The following MYO7A variants were observed in gnomAD, a reference collection of about 807,000 sequenced individuals.
MYO7A encodes the protein myosin VIIA, also known as unconventional myosin-VIIa.
MYO7A carries 210 observed loss-of-function variants against 263.8 expected under a neutral mutation model. That is an observed-to-expected ratio of 0.80 (90% confidence interval 0.71 to 0.89). The LOEUF is 0.89. Ranked by LOEUF, MYO7A falls within the 40% of genes least tolerant of loss-of-function variation. The pLI, the probability that MYO7A is intolerant of heterozygous loss-of-function variation, is 0.00. For missense variants in MYO7A, 2,820 were observed against 2,968.3 expected (o/e 0.95, Z 1.16); for synonymous variants, 1,239 against 1,197.3 (o/e 1.03, Z -0.72).
At position 77,161,101 on chromosome 11, in the gene MYO7A, C is replaced by G; in HGVS notation, c.1329C>G (p.Asn443Lys). The change falls in exon 12 of 49, where the codon AAC (asparagine) becomes AAG (lysine). Residue 443 changes from asparagine to lysine, a missense_variant. By Grantham distance (94) the Asn-to-Lys change is moderately conservative. Coordinates refer to ENST00000409709, the MANE Select transcript of MYO7A (RefSeq NM_000260.4). ...TCCTGGACATCTTTGGGTTTGAGAA[C>G]TTTGCTGTGAACAGGTACCGCGTGG... ...IGLLDIFGFENFAVNSFEQLC... is the reference protein window; with the variant it reads ...IGLLDIFGFEKFAVNSFEQLC... 1.9e-6 allele frequency: 3 copies of G among 1,614,012 alleles called. No homozygotes were observed. Among genetic ancestry groups the G allele is most frequent in the Non-Finnish European group, 2.5e-6 (3 of 1,179,876 alleles).
intron 2 of MYO7A, among the ~76,000 whole-genome samples, chr11:77,141,931 G>A (rs1018726117): frequency 3.9e-5 from 6 of 152,220 alleles, no homozygotes; most frequent in African/African-American, 9.7e-5. Flanking sequence ...TAACTAGAAC[G>A]TAGACTCCAT....
At position 77,161,092 on chromosome 11, in the gene MYO7A, G is replaced by C; in HGVS notation, c.1320G>C (p.Gly440=). The C allele has an allele frequency of 6.2e-7, 1 of 1,614,006 alleles. No homozygotes were observed. Among genetic ancestry groups the C allele is most frequent in the Non-Finnish European group, 8.5e-7 (1 of 1,179,888 alleles). Residue 440 remains glycine, a synonymous_variant, in exon 12 of 49, where the codon GGG becomes GGC. Coordinates refer to ENST00000409709, the MANE Select transcript of MYO7A (RefSeq NM_000260.4). ...CCATCGGCCTCCTGGACATCTTTGG[G>C]TTTGAGAACTTTGCTGTGAACAGGT... is the stretch of plus-strand genomic sequence containing the variant. The part of the protein sequence containing the change: ...RRSIGLLDIF[G]FENFAVNSFE...
chr11:77,132,694 G>A (rs939222511), intron 2 of MYO7A, among the ~76,000 whole-genome samples: 5 of 152,106 alleles, frequency 3.3e-5, no homozygotes, highest in Admixed American at 6.5e-5. Flanking sequence ...TCACCATGTT[G>A]GCCAGGATGG....
intron 11 of MYO7A, 92 bp from the exon 12 acceptor site, chr11:77,160,881 G>C: frequency 6.9e-7 from 1 of 1,450,448 alleles, no homozygotes. Context: ...TTCCACACAA[G>C]GGCTGGAGCG....
rs373942326 is a variant in MYO7A at position 77,156,999 on chromosome 11, C to T, written c.730C>T (p.Arg244Cys). 11 of 1,612,616 alleles carry T rather than the reference C, an allele frequency of 6.8e-6. No individual in the cohort carries two copies. The highest frequency in any genetic ancestry group is 5.9e-6 in the Non-Finnish European group (7 of 1,179,392). The change falls in exon 7 of 49, where the codon CGC becomes TGC. Residue 244 changes from arginine to cysteine, a missense_variant. Arg to Cys is a radical substitution (Grantham distance 180, BLOSUM62 -3). Transcript: ENST00000409709. ...CCTGCTGGAAAAGTCACGTGTCTGT[C>T]GCCAGGTGGGCCTGAGCCCCAGGGA... Reference protein sequence around the residue: ...QYLLEKSRVCRQALDERNYHV... With the variant: ...QYLLEKSRVCCQALDERNYHV...
At chr11:77,185,213 G>C (rs1327333955) in intron 27 of MYO7A, among the ~76,000 whole-genome samples, 10 of 152,152 alleles carry the variant, frequency 6.6e-5, no homozygotes, top group Non-Finnish European at 1.5e-4. Context: ...GAAGGTCGAG[G>C]TGGCTGCGAC....
Position 77,185,221 on chromosome 11 carries a change from G to A in MYO7A, c.3503+506G>A, listed in dbSNP as rs1383525530. The stretch of plus-strand genomic sequence containing the variant: ...GGTTGCTGAAGGTCGAGGTGGCTGC[G>A]ACAATTTATTAAGATAAGACAACAG... On this transcript the variant is annotated intron_variant, in intron 27 of 48. Coordinates refer to ENST00000409709, the MANE Select transcript of MYO7A (RefSeq NM_000260.4). 3.3e-5 allele frequency among the ~76,000 whole-genome samples: 5 copies of A among 152,132 alleles called. No individual in the cohort carries two copies. The East Asian group carries it at 7.7e-4, about 23-fold the overall frequency.
At position 77,192,269 on chromosome 11, in the gene MYO7A, G is replaced by A; in HGVS notation, c.4143G>A (p.Arg1381=). Residue 1381 remains arginine, a synonymous_variant, in exon 31 of 49, where the codon AGG becomes AGA. Coordinates refer to ENST00000409709, the MANE Select transcript of MYO7A (RefSeq NM_000260.4). ...GAGGAGTCAAGTTTGGGGAGTACAG[G>A]TGTGAGAAGGTGAGTGGGAGGGAAT... The part of the protein sequence containing the change: ...VVRGVKFGEY[R]CEKEDDLAEL... The A allele has an allele frequency of 1.2e-6, 2 of 1,613,936 alleles. No homozygotes were observed. Among genetic ancestry groups the A allele is most frequent in the South Asian group, 1.1e-5 (1 of 91,084 alleles).
In MYO7A at chr11:77,184,650, G is replaced by A. The variant is rs782818565; in HGVS notation, c.3438G>A (p.Arg1146=). ...TVQGNSMLED[R]PTSNLEKLHF... is the part of the protein sequence containing the mutation. Reference sequence around the variant, plus strand: ...AGGGCAACAGCATGCTGGAGGACCGGCCCACCTCCAACCTGGAGAAGCTGC... The same window carrying A: ...AGGGCAACAGCATGCTGGAGGACCGACCCACCTCCAACCTGGAGAAGCTGC... Residue 1146 remains arginine, a synonymous_variant, in exon 27 of 49, where the codon CGG becomes CGA. Transcript: ENST00000409709. The A allele has an allele frequency of 1.1e-5, 18 of 1,588,704 alleles. No individual in the cohort carries two copies. Among genetic ancestry groups the A allele is most frequent in the Non-Finnish European group, 1.5e-5 (18 of 1,167,228 alleles).
Position 77,175,443 on chromosome 11 carries a change from C to A in MYO7A, c.2166C>A (p.Gly722=). 1 of 1,613,334 alleles carries A rather than the reference C, an allele frequency of 6.2e-7. No individual in the cohort carries two copies. Among genetic ancestry groups the A allele is most frequent in the Non-Finnish European group, 8.5e-7 (1 of 1,179,872 alleles). Residue 722 remains glycine (G), a synonymous_variant, in exon 18 of 49, where the codon GGC becomes GGA. Transcript: ENST00000409709. ...GCACCCACGATGACTGGCAGATAGG[C>A]AAAACCAAGATCTTTCTGAAGGTGA... ...VLGTHDDWQI[G]KTKIFLKDHH...
At chr11:77,202,537 C>T (rs1957137610) in intron 37 of MYO7A, 113 bp downstream of exon 37, 1 of 1,406,476 alleles carries the variant, frequency 7.1e-7, no homozygotes, top group African/African-American at 1.4e-5. Flanking sequence ...TGAGCAGGGC[C>T]TGGGTCAGAG....
intron 15 of MYO7A, among the ~76,000 whole-genome samples, chr11:77,172,134 T>G (rs1248108786): frequency 6.6e-6 from 1 of 152,174 alleles, no homozygotes; most frequent in African/African-American, 2.4e-5. Flanking sequence ...CCCACAGGTT[T>G]CCAGAAGGCG....
chr11:77,198,483 G>T lies in MYO7A; in HGVS notation c.4442-12G>T, dbSNP rs751789213. On this transcript the variant is annotated splice_polypyrimidine_tract_variant and intron_variant, in intron 33 of 48. Transcript: ENST00000409709. ...GGGAGGCCTGCCTCTCAGTGCCTTG[G>T]TCTCGTCCCAGGCCCCAGTCTCCCC... The T allele has an allele frequency of 1.9e-6, 3 of 1,613,130 alleles. No individual in the cohort carries two copies. The East Asian group carries it at 6.7e-5, about 36-fold the overall frequency.
At chr11:77,194,756 C>T (rs889874790) in intron 32 of MYO7A, among the ~76,000 whole-genome samples, 2 of 152,186 alleles carry the variant, frequency 1.3e-5, no homozygotes, top group Non-Finnish European at 1.5e-5. Flanking sequence ...GGTATTGGGG[C>T]CCCTTTCCTG....
chr11:77,181,453 A>T lies in MYO7A; in HGVS notation c.2768A>T (p.Lys923Met). Reference sequence around the variant, plus strand: ...GAGAAGGAGGCCGCTCGGCGGAAGAAGGAGCTCCTGGAGCAGATGGAAAGG... The same window carrying T: ...GAGAAGGAGGCCGCTCGGCGGAAGATGGAGCTCCTGGAGCAGATGGAAAGG... ...LKEKEAARRKKELLEQMERAR... is the reference protein window; with the variant it reads ...LKEKEAARRKMELLEQMERAR... The change falls in exon 23 of 49, where the codon AAG becomes ATG. Residue 923 changes from lysine (K) to methionine (M), a missense_variant. Transcript: ENST00000409709. The T allele has an allele frequency of 6.2e-7, 1 of 1,609,658 alleles. No individual in the cohort carries two copies. The highest frequency in any genetic ancestry group is 8.5e-7 in the Non-Finnish European group (1 of 1,178,458).
At chr11:77,136,706 C>T (rs1178476680) in intron 2 of MYO7A, among the ~76,000 whole-genome samples, 5 of 152,228 alleles carry the variant, frequency 3.3e-5, no homozygotes, top group South Asian at 2.1e-4. Context: ...CACGTGGAAG[C>T]AGTGTCATTT....
chr11:77,150,274 G>C (rs1215618153), intron 4 of MYO7A, among the ~76,000 whole-genome samples: 1 of 152,236 alleles, frequency 6.6e-6, no homozygotes, highest in Non-Finnish European at 1.5e-5. Context: ...ATGTGGGTCA[G>C]CCACAGTGCA....
At chr11:77,175,018 C>A in intron 17 of MYO7A, 104 bp downstream of exon 17, 2 of 1,429,526 alleles carry the variant, frequency 1.4e-6, no homozygotes, top group Non-Finnish European at 1.9e-6. Context: ...TTGACATCTG[C>A]TTGACCTCTC....
intron 4 of MYO7A, 54 bp from the exon 5 acceptor site, chr11:77,155,853 A>C (rs2135224670): frequency 6.7e-7 from 1 of 1,495,054 alleles, no homozygotes; most frequent in East Asian, 2.5e-5. Flanking sequence ...AGCTTTCTAG[A>C]GTCAGAGTCT....
Sources: allele counts gnomAD v4.1 joint callset (sites outside exome capture counted in the v4.1 genomes callset), GRCh38; gene constraint gnomAD v4.1.1; transcripts MANE v1.5; gene names NCBI Gene and HGNC (gene_info 2026-07-23, HGNC 2026-07-21).